RASSF8: variants seen among roughly 807,000 people sequenced by gnomAD.
The protein encoded by RASSF8 is Ras association domain family member 8.
In RASSF8, 22 loss-of-function variants were observed where a neutral mutation model predicts 48.5. The ratio of observed to expected loss-of-function variants is 0.45; its 90% CI spans 0.32 to 0.65. The LOEUF is 0.65. Ranked by LOEUF, RASSF8 falls within the 30% of genes least tolerant of loss-of-function variation. The pLI is 0.03. For missense variants in RASSF8, 418 were observed against 489.2 expected (o/e 0.85, Z 1.37); for synonymous variants, 127 against 171.5 (o/e 0.74, Z 2.03).
chr12:26,043,892 CATA>C (rs1943318618), intron 2 of RASSF8, among the ~76,000 whole-genome samples: 1 of 152,118 alleles, frequency 6.6e-6, no homozygotes, highest in Non-Finnish European at 1.5e-5. Flanking sequence ...TGATAAAGAT[CATA>C]ATAATAGTTG....
At chr12:25,976,341 C>T (rs1159076116) in intron 1 of RASSF8, among the ~76,000 whole-genome samples, 1 of 152,226 alleles carries the variant, frequency 6.6e-6, no homozygotes, top group African/African-American at 2.4e-5. Flanking sequence ...TCTTCATTTG[C>T]AACTTTGTAA....
In RASSF8 at chr12:26,072,582, G is replaced by A. The variant is rs1010991758; in HGVS notation, c.*3764G>A. 2 of 985,156 alleles carry A rather than the reference G, an allele frequency of 2.0e-6. No individual in the cohort carries two copies. Among genetic ancestry groups the A allele is most frequent in the African/African-American group, 3.5e-5 (2 of 57,194 alleles). The allele number at this position is 985,156 out of a possible 1,614,324, so 61.0% of individuals were successfully genotyped here. ...AGATTTACAGCCAGACATGGTGATA[G>A]CCCTAAATGTATTTCTCAATATGTT... On this transcript the variant is annotated 3_prime_UTR_variant, in exon 6 of 6. Transcript: ENST00000689635.
intron 3 of RASSF8, among the ~76,000 whole-genome samples, chr12:26,061,729 G>C (rs2137281257): frequency 6.6e-6 from 1 of 152,224 alleles, no homozygotes; most frequent in Non-Finnish European, 1.5e-5. Flanking sequence ...GTGCTGCCAA[G>C]TTATGGATAT....
At chr12:26,049,705 T>G (rs1173461003) in intron 2 of RASSF8, among the ~76,000 whole-genome samples, 3 of 152,258 alleles carry the variant, frequency 2.0e-5, no homozygotes, top group Non-Finnish European at 4.4e-5. Flanking sequence ...TAGCACTCAG[T>G]GTAAATTTGA....
chr12:25,983,472 A>G (rs1024573784), intron 1 of RASSF8, among the ~76,000 whole-genome samples: 3 of 152,182 alleles, frequency 2.0e-5, no homozygotes, highest in Non-Finnish European at 1.5e-5. Flanking sequence ...CTAGAAACTG[A>G]TCTTATCAGT....
At chr12:26,060,220 T>TG (rs1943710881) in intron 3 of RASSF8, among the ~76,000 whole-genome samples, 1 of 152,166 alleles carries the variant, frequency 6.6e-6, no homozygotes, top group East Asian at 1.9e-4. Flanking sequence ...TGTTTAGTAG[T>TG]AGTGAGCTTA....
chr12:25,965,649 C>T (rs1240659015), intron 1 of RASSF8, among the ~76,000 whole-genome samples: 2 of 152,166 alleles, frequency 1.3e-5, no homozygotes, highest in East Asian at 1.9e-4. Flanking sequence ...AGCCACCATG[C>T]CCACCCCAAA....
At chr12:26,006,555 T>A (rs558687230) in intron 2 of RASSF8, among the ~76,000 whole-genome samples, 16 of 152,258 alleles carry the variant, frequency 1.1e-4, no homozygotes, top group Non-Finnish European at 1.5e-4. Context: ...ACTACATATA[T>A]GTTTATACAA....
intron 1 of RASSF8, among the ~76,000 whole-genome samples, chr12:25,968,125 A>G (rs1360346082): frequency 6.6e-6 from 1 of 152,052 alleles, no homozygotes; most frequent in Non-Finnish European, 1.5e-5. Context: ...TATTGCTTCT[A>G]CTACTTCACC....
chr12:26,074,789 T>G (rs935118221), downstream of RASSF8, among the ~76,000 whole-genome samples: 2 of 151,968 alleles, frequency 1.3e-5, no homozygotes, highest in Non-Finnish European at 2.9e-5. Flanking sequence ...GAAGGTGATA[T>G]AAACAAGAAG....
intron 1 of RASSF8, among the ~76,000 whole-genome samples, chr12:25,966,807 G>GT (rs1406946667): frequency 6.6e-6 from 1 of 152,108 alleles, no homozygotes; most frequent in Non-Finnish European, 1.5e-5. Context: ...TTATAAATTT[G>GT]TTTTTTATAG....
At chr12:25,997,026 AT>A (rs757356585) in intron 2 of RASSF8, among the ~76,000 whole-genome samples, 23 of 152,008 alleles carry the variant, frequency 1.5e-4, no homozygotes, top group East Asian at 3.9e-4. Flanking sequence ...ACTAAATTAC[AT>A]TTTTTTCCCC....
At chr12:26,016,864 G>A (rs1307670486) in intron 2 of RASSF8, among the ~76,000 whole-genome samples, 2 of 152,104 alleles carry the variant, frequency 1.3e-5, no homozygotes, top group African/African-American at 4.8e-5. Context: ...ATCATCTGAA[G>A]TTCATTCATT....
In RASSF8 at chr12:26,072,414, C is replaced by T. The variant is rs1944018078; in HGVS notation, c.*3596C>T. Reference sequence around the variant, plus strand: ...AGTGACTGCCTGAAAGCTGCAGGAGCTCTTTTCAATGCATTTTATATATTT... The same window carrying T: ...AGTGACTGCCTGAAAGCTGCAGGAGTTCTTTTCAATGCATTTTATATATTT... On this transcript the variant is annotated 3_prime_UTR_variant, in exon 6 of 6. Coordinates refer to ENST00000689635, the MANE Select transcript of RASSF8 (RefSeq NM_001394098.1). 8 of 980,436 alleles carry T rather than the reference C, an allele frequency of 8.2e-6. No individual in the cohort carries two copies. The highest frequency in any genetic ancestry group is 8.5e-6 in the Non-Finnish European group (7 of 825,564). 60.7% of individuals were successfully genotyped at this position (980,436 alleles called of 1,614,324 possible).
chr12:26,026,790 T>G (rs1453064647), intron 2 of RASSF8, among the ~76,000 whole-genome samples: 2 of 152,204 alleles, frequency 1.3e-5, no homozygotes, highest in East Asian at 3.8e-4. Flanking sequence ...TCATACACTG[T>G]TGGTGGGAAT....
chr12:25,965,537 T>C (rs913924878), intron 1 of RASSF8, among the ~76,000 whole-genome samples: 2 of 151,976 alleles, frequency 1.3e-5, no homozygotes, highest in Non-Finnish European at 2.9e-5. Flanking sequence ...AAGTTATGTA[T>C]TTTTAGTAGA....
intron 2 of RASSF8, among the ~76,000 whole-genome samples, chr12:26,034,846 A>C (rs1943099677): frequency 6.6e-6 from 1 of 152,052 alleles, no homozygotes; most frequent in Admixed American, 6.5e-5. Context: ...TTAAAAAAAA[A>C]CATCTAACTA....
At chr12:26,037,835 C>G (rs1227403355) in intron 2 of RASSF8, among the ~76,000 whole-genome samples, 1 of 152,132 alleles carries the variant, frequency 6.6e-6, no homozygotes, top group Non-Finnish European at 1.5e-5. Flanking sequence ...TAAAGGGTCA[C>G]CACAGCAAGC....
chr12:25,982,731 A>C (rs1416285613), intron 1 of RASSF8, among the ~76,000 whole-genome samples: 4 of 152,180 alleles, frequency 2.6e-5, no homozygotes, highest in Admixed American at 1.3e-4. Context: ...TTAGTAGACA[A>C]TGTCTCCACA....
Sources: gnomAD v4.1 joint callset for allele counts (sites outside exome capture counted in the v4.1 genomes callset) on GRCh38, gnomAD v4.1.1 for gene constraint, MANE v1.5 for transcripts, NCBI Gene and HGNC (gene_info 2026-07-23, HGNC 2026-07-21) for gene names.